RCAN2: variants seen among roughly 807,000 people sequenced by gnomAD.
The protein encoded by RCAN2 is calcipressin-2.
In RCAN2, 9 loss-of-function variants were observed where a neutral mutation model predicts 23.6. That is an observed-to-expected ratio of 0.38 (90% CI 0.23 to 0.67). The LOEUF is 0.67. RCAN2 is among the 30% of genes least tolerant of loss of function. The probability of loss-of-function intolerance (pLI) is 0.51; values close to 1 mark genes in which losing one functional copy is unlikely to be tolerated. For synonymous variants in RCAN2, 109 were observed against 115.7 expected, an observed-to-expected ratio of 0.94 and a Z score of 0.37; for missense variants, 273 against 302.3, an observed-to-expected ratio of 0.90 and a Z score of 0.72.
intron 1 of RCAN2, among the ~76,000 whole-genome samples, chr6:46,473,436 C>G (rs1414995942): frequency 1.3e-5 from 2 of 152,036 alleles, no homozygotes; most frequent in African/African-American, 2.4e-5. Flanking sequence ...AACTGGCTGT[C>G]TGTGCTATTT....
chr6:46,419,420 G>T (rs998973003), intron 2 of RCAN2, among the ~76,000 whole-genome samples: 2 of 152,106 alleles, frequency 1.3e-5, no homozygotes, highest in Non-Finnish European at 2.9e-5. Flanking sequence ...TCCACACACA[G>T]AGTACCGGAG....
At chr6:46,252,402 C>A (rs193014324) in intron 2 of RCAN2, among the ~76,000 whole-genome samples, 45 of 152,280 alleles carry the variant, frequency 3.0e-4, no homozygotes, top group Admixed American at 1.3e-4. Flanking sequence ...TCTCCTCGAT[C>A]GTTAGTTCTC....
intron 2 of RCAN2, among the ~76,000 whole-genome samples, chr6:46,274,543 G>A (rs531493825): frequency 2.6e-5 from 4 of 152,240 alleles, no homozygotes; most frequent in South Asian, 2.1e-4. Flanking sequence ...GCATCCCCCC[G>A]CCCCATCTTG....
chr6:46,473,255 G>C (rs181053441), intron 1 of RCAN2, among the ~76,000 whole-genome samples: 2 of 151,708 alleles, frequency 1.3e-5, no homozygotes, highest in Non-Finnish European at 2.9e-5. Flanking sequence ...AATATCTTAC[G>C]GTATACTGTT....
chr6:46,359,505 C>A (rs192776335), intron 2 of RCAN2, among the ~76,000 whole-genome samples: 1 of 152,290 alleles, frequency 6.6e-6, no homozygotes, highest in African/African-American at 2.4e-5. Context: ...AATTCCAACA[C>A]TAATTTCATT....
intron 2 of RCAN2, among the ~76,000 whole-genome samples, chr6:46,412,375 C>A: frequency 6.6e-6 from 1 of 152,100 alleles, no homozygotes; most frequent in Non-Finnish European, 1.5e-5. Flanking sequence ...ATCTGAGAGT[C>A]TGGAGTTCTG....
At chr6:46,335,524 T>A (rs953186625) in intron 2 of RCAN2, among the ~76,000 whole-genome samples, 2 of 152,138 alleles carry the variant, frequency 1.3e-5, no homozygotes, top group Non-Finnish European at 2.9e-5. Context: ...GGGAACTAGA[T>A]ATTCACGTTT....
At chr6:46,329,459 A>C (rs887103078) in intron 2 of RCAN2, among the ~76,000 whole-genome samples, 11 of 152,124 alleles carry the variant, frequency 7.2e-5, no homozygotes, top group African/African-American at 2.7e-4. Context: ...ATTTTTGCCT[A>C]TTCTGCTCCC....
chr6:46,279,582 T>C (rs1288225132), intron 2 of RCAN2, among the ~76,000 whole-genome samples: 2 of 152,230 alleles, frequency 1.3e-5, no homozygotes, highest in Non-Finnish European at 2.9e-5. Flanking sequence ...CACTGCTCTG[T>C]ACATTCCTGC....
chr6:46,320,065 T>A (rs1036706070), intron 2 of RCAN2, among the ~76,000 whole-genome samples: 17 of 151,996 alleles, frequency 1.1e-4, no homozygotes, highest in African/African-American at 3.9e-4. Flanking sequence ...GTTTACCATT[T>A]CTGAGGATTA....
intron 2 of RCAN2, among the ~76,000 whole-genome samples, chr6:46,249,657 G>A (rs1766643589): frequency 6.6e-6 from 1 of 152,020 alleles, no homozygotes; most frequent in African/African-American, 2.4e-5. Context: ...TAAAAATATG[G>A]GATCCACTCC....
chr6:46,418,726 T>C (rs1766782688), intron 2 of RCAN2, among the ~76,000 whole-genome samples: 1 of 138,232 alleles, frequency 7.2e-6, no homozygotes, highest in Admixed American at 7.4e-5. Context: ...TATATATATA[T>C]ATATACAGTT....
At chr6:46,263,716 A>C (rs1290809404) in intron 2 of RCAN2, among the ~76,000 whole-genome samples, 3 of 126,240 alleles carry the variant, frequency 2.4e-5, no homozygotes, top group Non-Finnish European at 5.1e-5. Context: ...TATTTACATT[A>C]ATATGATGTT....
At chr6:46,352,756 T>C (rs180963006) in intron 2 of RCAN2, among the ~76,000 whole-genome samples, 33 of 152,202 alleles carry the variant, frequency 2.2e-4, no homozygotes, top group Admixed American at 1.5e-3. Flanking sequence ...CTGAGTACCC[T>C]GGAGGAATCA....
intron 2 of RCAN2, among the ~76,000 whole-genome samples, chr6:46,283,012 T>C (rs532535767): frequency 1.3e-5 from 2 of 152,290 alleles, no homozygotes; most frequent in African/African-American, 4.8e-5. Flanking sequence ...TCTTTCTGCA[T>C]GGAAACTGCC....
At chr6:46,230,393 G>T (rs1274049693) in intron 4 of RCAN2, among the ~76,000 whole-genome samples, 3 of 152,186 alleles carry the variant, frequency 2.0e-5, no homozygotes, top group Non-Finnish European at 2.9e-5. Context: ...ACAGAGGCAG[G>T]CAGGCCTCCT....
chr6:46,339,001 C>A (rs929296096), intron 2 of RCAN2, among the ~76,000 whole-genome samples: 1 of 127,276 alleles, frequency 7.9e-6, no homozygotes, highest in African/African-American at 3.1e-5. Context: ...GGTGACAAAG[C>A]GAGACCCTGT....
intron 2 of RCAN2, among the ~76,000 whole-genome samples, chr6:46,363,562 G>A (rs1401787097): frequency 6.6e-6 from 1 of 152,044 alleles, no homozygotes; most frequent in Non-Finnish European, 1.5e-5. Flanking sequence ...GAAAAGATGA[G>A]CATGACTTAT....
chr6:46,295,012 C>A (rs1003564884), intron 2 of RCAN2, among the ~76,000 whole-genome samples: 11 of 151,908 alleles, frequency 7.2e-5, no homozygotes, highest in Admixed American at 2.6e-4. Flanking sequence ...TGGGTCTGGG[C>A]CAACTTAGTG....
Sources: gnomAD v4.1 joint callset for allele counts (sites outside exome capture counted in the v4.1 genomes callset) on GRCh38, gnomAD v4.1.1 for gene constraint, MANE v1.5 for transcripts, NCBI Gene and HGNC (gene_info 2026-07-23, HGNC 2026-07-21) for gene names.